Variants in MBD5 observed in about 807,000 individuals in gnomAD.
MBD5 encodes the protein methyl-CpG-binding domain protein 5.
In MBD5, 13 loss-of-function variants were observed where a neutral mutation model predicts 117.3. The observed-to-expected ratio is 0.11, with a 90% CI of 0.07 to 0.18. The LOEUF is 0.18. MBD5 is among the 10% of genes least tolerant of loss of function. The pLI, the probability that MBD5 is intolerant of heterozygous loss-of-function variation, is 1.00. For synonymous variants in MBD5, 727 were observed against 766.4 expected (o/e 0.95, Z 0.85); for missense variants, 1,879 against 2,093.8 (o/e 0.90, Z 2.00).
intron 2 of MBD5, among the ~76,000 whole-genome samples, chr2:148,183,529 A>AG (rs1698578372): frequency 6.6e-6 from 1 of 151,894 alleles, no homozygotes; most frequent in Admixed American, 6.6e-5. Context: ...TACTAAAAAA[A>AG]AAATTGGATG....
At chr2:148,432,865 C>T (rs1471417584) in intron 4 of MBD5, among the ~76,000 whole-genome samples, 1 of 152,070 alleles carries the variant, frequency 6.6e-6, no homozygotes, top group Non-Finnish European at 1.5e-5. Context: ...GTTTTGGTTT[C>T]ATATGAATTT....
chr2:148,266,102 T>C (rs537543927), intron 3 of MBD5, among the ~76,000 whole-genome samples: 65 of 152,264 alleles, frequency 4.3e-4, no homozygotes, highest in African/African-American at 1.5e-3. Context: ...AGAAAAATTA[T>C]AGGACAGTCT....
At chr2:148,243,318 A>G (rs1464887963) in intron 3 of MBD5, among the ~76,000 whole-genome samples, 1 of 138,110 alleles carries the variant, frequency 7.2e-6, no homozygotes, top group East Asian at 2.1e-4. Flanking sequence ...AGCTCTGAGA[A>G]ATATAGAAAA....
chr2:148,050,686 A>G (rs1694673235), intron 1 of MBD5, among the ~76,000 whole-genome samples: 2 of 152,160 alleles, frequency 1.3e-5, no homozygotes, highest in South Asian at 4.1e-4. Context: ...GAATTGCCCT[A>G]GCACTCCTGT....
chr2:148,041,762 T>C (rs373773079), intron 1 of MBD5, among the ~76,000 whole-genome samples: 1 of 152,190 alleles, frequency 6.6e-6, no homozygotes, highest in Non-Finnish European at 1.5e-5. Flanking sequence ...CTTCACTGCC[T>C]TTCTTCTGCT....
chr2:148,172,261 C>A (rs1047609346), intron 1 of MBD5, among the ~76,000 whole-genome samples: 7 of 152,208 alleles, frequency 4.6e-5, no homozygotes, highest in African/African-American at 1.7e-4. Context: ...GCCTGGGAAG[C>A]CCACCCTGCC....
In MBD5 at chr2:148,374,098, G is replaced by A. The variant is rs139476605; in HGVS notation, c.-557+31762G>A. 4.6e-5 allele frequency among the ~76,000 whole-genome samples: 7 copies of A among 151,974 alleles called. No homozygotes were observed. The East Asian group carries it at 1.2e-3, about 25-fold the overall frequency. On this transcript the variant is annotated intron_variant, in intron 4 of 13. Coordinates refer to ENST00000642680, the MANE Select transcript of MBD5 (RefSeq NM_001378120.1). ...CTGGTTCCAAGCATTTCGGATAAGG[G>A]GTACTCAACCTATATACCAAAATGT... is the stretch of plus-strand genomic sequence containing the variant.
At chr2:148,392,200 T>C (rs1028282789) in intron 4 of MBD5, among the ~76,000 whole-genome samples, 2 of 152,204 alleles carry the variant, frequency 1.3e-5, no homozygotes, top group African/African-American at 4.8e-5. Context: ...CTATAGTTAT[T>C]CTATAATAAA....
chr2:148,166,566 C>A (rs962704343), intron 1 of MBD5, among the ~76,000 whole-genome samples: 8 of 152,274 alleles, frequency 5.3e-5, no homozygotes, highest in African/African-American at 1.7e-4. Context: ...ATTAACTAAC[C>A]TCCTTTTCCT....
chr2:148,250,507 T>A (rs560588198), intron 3 of MBD5, among the ~76,000 whole-genome samples: 1 of 152,220 alleles, frequency 6.6e-6, no homozygotes, highest in Non-Finnish European at 1.5e-5. Flanking sequence ...ACAGGTTTAA[T>A]TGAAGACAAC....
At chr2:148,210,078 A>T (rs1432855115) in intron 2 of MBD5, among the ~76,000 whole-genome samples, 2 of 152,196 alleles carry the variant, frequency 1.3e-5, no homozygotes, top group Non-Finnish European at 2.9e-5. Flanking sequence ...TAAAATTCTA[A>T]TGTGGACTTT....
chr2:148,268,372 G>A (rs1308318261), intron 3 of MBD5, among the ~76,000 whole-genome samples: 3 of 151,858 alleles, frequency 2.0e-5, no homozygotes, highest in African/African-American at 7.3e-5. Context: ...TTGAACCACA[G>A]CATCCCCCTC....
intron 4 of MBD5, among the ~76,000 whole-genome samples, chr2:148,368,571 C>A (rs1474970158): frequency 6.6e-6 from 1 of 152,130 alleles, no homozygotes; most frequent in Admixed American, 6.5e-5. Flanking sequence ...CTTACTAATT[C>A]TTGGTAAAGG....
intron 2 of MBD5, among the ~76,000 whole-genome samples, chr2:148,218,099 C>T (rs1699601565): frequency 6.6e-6 from 1 of 152,066 alleles, no homozygotes; most frequent in African/African-American, 2.4e-5. Context: ...ACAATATAGC[C>T]AGTATAGTGT....
chr2:148,443,368 T>C (rs1277758712), intron 4 of MBD5, among the ~76,000 whole-genome samples: 2 of 151,294 alleles, frequency 1.3e-5, no homozygotes, highest in East Asian at 3.8e-4. Context: ...GGAGCTACCA[T>C]ATGATCCAGC....
intron 1 of MBD5, among the ~76,000 whole-genome samples, chr2:148,051,196 GTTTTC>G (rs1361665012): frequency 6.6e-6 from 1 of 151,934 alleles, no homozygotes; most frequent in Admixed American, 6.6e-5. Flanking sequence ...AAACAGAATT[GTTTTC>G]TTAATTTCAT....
chr2:148,106,776 A>G (rs1383849349), intron 1 of MBD5, among the ~76,000 whole-genome samples: 1 of 152,032 alleles, frequency 6.6e-6, no homozygotes. Flanking sequence ...TACTTTTACT[A>G]TCTAACCAAA....
intron 2 of MBD5, among the ~76,000 whole-genome samples, chr2:148,213,434 G>A (rs369595220): frequency 9.3e-4 from 141 of 151,984 alleles, no homozygotes; most frequent in African/African-American, 3.3e-3. Flanking sequence ...ATTATGTATG[G>A]GGCAGGGAGC....
chr2:148,240,403 A>T (rs576578873), intron 3 of MBD5, among the ~76,000 whole-genome samples: 15 of 138,062 alleles, frequency 1.1e-4, no homozygotes, highest in Non-Finnish European at 2.0e-4. Flanking sequence ...GTACCCTAGA[A>T]CTTAAAGTAT....
Sources: allele counts gnomAD v4.1 joint callset (sites outside exome capture counted in the v4.1 genomes callset), GRCh38; gene constraint gnomAD v4.1.1; transcripts MANE v1.5; gene names NCBI Gene and HGNC (gene_info 2026-07-23, HGNC 2026-07-21).